Variants in RASGRF2 observed in about 807,000 individuals in gnomAD.
The protein encoded by RASGRF2 is Ras protein specific guanine nucleotide releasing factor 2, also known as ras-specific guanine nucleotide-releasing factor 2.
A neutral mutation model predicts 151.0 loss-of-function variants in RASGRF2; 76 were observed. The ratio of observed to expected loss-of-function variants is 0.50; its 90% CI spans 0.42 to 0.61. The LOEUF is 0.61. Ranked by LOEUF, RASGRF2 falls within the 20% of genes least tolerant of loss-of-function variation. RASGRF2 has a pLI of 0.00. For synonymous variants in RASGRF2, 504 were observed against 566.5 expected, an observed-to-expected ratio of 0.89 and a Z score of 1.57; for missense variants, 1,148 against 1,564.6, an observed-to-expected ratio of 0.73 and a Z score of 4.49.
rs115669441 is a variant in RASGRF2, at chr5:80,983,562, T to G, written c.288+22536T>G. Among the ~76,000 whole-genome samples the G allele has an allele frequency of 3.4e-3, 512 of 152,376 alleles. 2 individuals carry two copies. Among genetic ancestry groups the G allele is most frequent in the African/African-American group, 0.012 (496 of 41,594 alleles). ...TTAAGTACCTACAGAATATCTTTGA[T>G]TTTGCCTCTGGGTCTGCAGGGCCTA... On this transcript the variant is annotated intron_variant, in intron 1 of 26. Coordinates refer to ENST00000265080, the MANE Select transcript of RASGRF2 (RefSeq NM_006909.3).
chr5:80,970,332 C>T (rs1253862740), intron 1 of RASGRF2, among the ~76,000 whole-genome samples: 1 of 152,076 alleles, frequency 6.6e-6, no homozygotes, highest in East Asian at 1.9e-4. Context: ...TTGTTTTAGG[C>T]CCTTTTGATT....
chr5:81,219,209 G>T (rs1755807324), intron 25 of RASGRF2, among the ~76,000 whole-genome samples: 1 of 151,880 alleles, frequency 6.6e-6, no homozygotes, highest in Non-Finnish European at 1.5e-5. Context: ...CTCCCAAGTA[G>T]CTGGGATTAC....
intron 24 of RASGRF2, among the ~76,000 whole-genome samples, chr5:81,216,752 C>T (rs1755748367): frequency 6.6e-6 from 1 of 152,178 alleles, no homozygotes; most frequent in South Asian, 2.1e-4. Flanking sequence ...GAACCCAGCT[C>T]CTCCCGCATC....
At chr5:81,202,619 C>A (rs1008313581) in intron 19 of RASGRF2, among the ~76,000 whole-genome samples, 3 of 152,202 alleles carry the variant, frequency 2.0e-5, no homozygotes, top group African/African-American at 7.2e-5. Context: ...CCTAGCCTCC[C>A]ATACCTCAAA....
At chr5:81,207,031 T>A (rs1755523458) in intron 20 of RASGRF2, 126 bp downstream of exon 20, 4 of 897,556 alleles carry the variant, frequency 4.5e-6, no homozygotes, top group Non-Finnish European at 5.3e-6. Context: ...TGTGAAGCTC[T>A]GTGAGATGAA....
rs747415882 is a variant in RASGRF2, at chr5:81,109,114, A to G, written c.1838+36A>G. ...GAATCCTTTCCTTTACATTTTAATCAAGATTAAATTGGCGGAACATGTAAA... is the reference window on the plus strand; with the variant it reads ...GAATCCTTTCCTTTACATTTTAATCGAGATTAAATTGGCGGAACATGTAAA... On this transcript the variant is annotated intron_variant, in intron 13 of 26. Transcript: ENST00000265080. 7 of 1,586,076 alleles carry G rather than the reference A, an allele frequency of 4.4e-6. No individual in the cohort carries two copies. In the African/African-American group the frequency reaches 8.1e-5, roughly 18 times the overall value.
intron 17 of RASGRF2, among the ~76,000 whole-genome samples, chr5:81,165,181 C>G (rs1754477468): frequency 6.6e-6 from 1 of 152,162 alleles, no homozygotes; most frequent in Admixed American, 6.5e-5. Context: ...TACCTCAAGT[C>G]TTGTGGTTAC....
At chr5:81,037,332 A>G (rs1750533969) in intron 1 of RASGRF2, among the ~76,000 whole-genome samples, 1 of 152,238 alleles carries the variant, frequency 6.6e-6, no homozygotes, top group African/African-American at 2.4e-5. Context: ...GTTTAGTTGA[A>G]TATAGAATTC....
intron 1 of RASGRF2, among the ~76,000 whole-genome samples, chr5:80,988,792 C>T (rs185025880): frequency 1.3e-5 from 2 of 152,202 alleles, no homozygotes; most frequent in Admixed American, 6.5e-5. Context: ...TGGCACATAA[C>T]GAATGCTTGA....
At chr5:81,079,990 T>C (rs1752040950) in intron 5 of RASGRF2, 131 bp from the exon 6 acceptor site, 1 of 1,169,702 alleles carries the variant, frequency 8.5e-7, no homozygotes, top group East Asian at 2.9e-5. Context: ...TCCATGTTAT[T>C]ATTGGGTATA....
At chr5:81,030,341 A>G (rs754575035) in intron 1 of RASGRF2, among the ~76,000 whole-genome samples, 1 of 152,210 alleles carries the variant, frequency 6.6e-6, no homozygotes, top group Non-Finnish European at 1.5e-5. Context: ...TCCAAGACAC[A>G]TAATTACCAG....
chr5:80,975,922 C>CAGCTCACCA (rs372232279), intron 1 of RASGRF2, among the ~76,000 whole-genome samples: 3,234 of 150,732 alleles, frequency 0.021, 135 homozygotes, highest in African/African-American at 0.075. Flanking sequence ...GGCACGATCT[C>CAGCTCACCA]CAACCTCCGC....
At chr5:81,091,117 C>T (rs968081909) in intron 9 of RASGRF2, among the ~76,000 whole-genome samples, 15 of 152,172 alleles carry the variant, frequency 9.9e-5, no homozygotes, top group African/African-American at 1.2e-4. Flanking sequence ...TGACCTTAGG[C>T]GAGCTACTTG....
At chr5:81,167,140 A>G (rs888546082) in intron 17 of RASGRF2, among the ~76,000 whole-genome samples, 1 of 152,212 alleles carries the variant, frequency 6.6e-6, no homozygotes, top group Non-Finnish European at 1.5e-5. Flanking sequence ...ATTGCCCTCC[A>G]TGGGTAGAGT....
intron 1 of RASGRF2, among the ~76,000 whole-genome samples, chr5:81,022,130 AT>A (rs1214436888): frequency 6.6e-6 from 1 of 152,214 alleles, no homozygotes; most frequent in African/African-American, 2.4e-5. Flanking sequence ...GATGGTCAGC[AT>A]GCTACGTGAC....
At chr5:80,961,995 C>T (rs746983070) in intron 1 of RASGRF2, among the ~76,000 whole-genome samples, 5 of 152,126 alleles carry the variant, frequency 3.3e-5, no homozygotes, top group Non-Finnish European at 7.3e-5. Flanking sequence ...TAAAAATATT[C>T]GCAGCTGAAT....
At chr5:80,962,157 C>T (rs1004745812) in intron 1 of RASGRF2, among the ~76,000 whole-genome samples, 2 of 152,094 alleles carry the variant, frequency 1.3e-5, no homozygotes. Context: ...ACTAGACCGA[C>T]CGGAAGTTTG....
intron 18 of RASGRF2, among the ~76,000 whole-genome samples, chr5:81,200,707 C>T (rs1208027046): frequency 1.3e-5 from 2 of 152,190 alleles, no homozygotes; most frequent in African/African-American, 2.4e-5. Context: ...CAATGGAATA[C>T]AGGGAGTTGA....
chr5:81,034,806 GGA>G (rs1491027200), intron 1 of RASGRF2, among the ~76,000 whole-genome samples: 16 of 127,738 alleles, frequency 1.3e-4, no homozygotes, highest in Admixed American at 4.7e-4. Flanking sequence ...TTGTGGGGTG[GGA>G]GGGGGGTAGG....
Sources: allele counts gnomAD v4.1 joint callset (sites outside exome capture counted in the v4.1 genomes callset), GRCh38; gene constraint gnomAD v4.1.1; transcripts MANE v1.5; gene names NCBI Gene and HGNC (gene_info 2026-07-23, HGNC 2026-07-21).